Variants in SNTG2 observed in about 807,000 individuals in gnomAD.
SNTG2 encodes the protein syntrophin gamma 2, also known as gamma-2-syntrophin.
A neutral mutation model predicts 70.9 loss-of-function variants in SNTG2; 74 were observed. The ratio of observed to expected loss-of-function variants is 1.04; its 90% CI spans 0.86 to 1.27. The LOEUF is 1.27. SNTG2 is among the 50% of genes most tolerant of loss of function. The pLI, the probability that SNTG2 is intolerant of heterozygous loss-of-function variation, is 0.00. For missense variants in SNTG2, 717 were observed against 690.7 expected (o/e 1.04, Z -0.43); for synonymous variants, 278 against 273.8 (o/e 1.02, Z -0.15).
At chr2:1,088,868 C>T (rs1355054009) in intron 2 of SNTG2, among the ~76,000 whole-genome samples, 1 of 152,192 alleles carries the variant, frequency 6.6e-6, no homozygotes, top group African/African-American at 2.4e-5. Context: ...TGGCCACTGG[C>T]CTTTTTCTTG....
intron 12 of SNTG2, among the ~76,000 whole-genome samples, chr2:1,251,313 A>T (rs1677741317): frequency 6.6e-6 from 1 of 152,214 alleles, no homozygotes. Context: ...CATAATTTAA[A>T]TTTTTAAGTA....
chr2:1,087,275 T>C (rs541924506), intron 2 of SNTG2, among the ~76,000 whole-genome samples: 1 of 152,330 alleles, frequency 6.6e-6, no homozygotes, highest in South Asian at 2.1e-4. Flanking sequence ...ATGAAGAGTT[T>C]GGAGGGCTTT....
In SNTG2 at chr2:970,927, T is replaced by C. The variant is rs1660719186; in HGVS notation, c.72+19859T>C. Reference sequence around the variant, plus strand: ...TCACCATCACTGGCCATCAGAGAAATGCAAATCAAAACCACAGTGAGATAT... The same window carrying C: ...TCACCATCACTGGCCATCAGAGAAACGCAAATCAAAACCACAGTGAGATAT... On this transcript the variant is annotated intron_variant, in intron 1 of 16. Transcript: ENST00000308624. Among the ~76,000 whole-genome samples the C allele has an allele frequency of 4.6e-5, 7 of 152,168 alleles. No homozygotes were observed. In the South Asian group the frequency reaches 1.2e-3, roughly 27 times the overall value.
rs995910742 is a variant in SNTG2 at position 1,353,260 on chromosome 2, A to G, written c.1489-14083A>G. On this transcript the variant is annotated intron_variant, in intron 16 of 16. Coordinates refer to ENST00000308624, the MANE Select transcript of SNTG2 (RefSeq NM_018968.4). The surrounding 1 kb of genome is among the most constrained non-coding windows in gnomAD (Gnocchi z 4.2). ...CCCGCCCACAGAAACAGTGGGCGGA[A>G]GGAGCACGACCTGAGCTCCAGGGTG... Among the ~76,000 whole-genome samples the G allele has an allele frequency of 6.6e-5, 10 of 152,154 alleles. No individual in the cohort carries two copies. The highest frequency in any genetic ancestry group is 5.2e-4 in the Admixed American group (8 of 15,278).
rs1659932703 is a variant in SNTG2 at position 950,949 on chromosome 2, C to T, written c.-48C>T. On this transcript the variant is annotated 5_prime_UTR_variant, in exon 1 of 17. Coordinates refer to ENST00000308624, the MANE Select transcript of SNTG2 (RefSeq NM_018968.4). ...CTGGGAGGCTCGGACGGGGTCCTGG[C>T]GTTGAGCTCGGCCGGCCCGGAGCGC... 9.8e-6 allele frequency: 10 copies of T among 1,018,042 alleles called. No individual in the cohort carries two copies. Among genetic ancestry groups the T allele is most frequent in the African/African-American group, 3.4e-5 (2 of 59,390 alleles). 63.1% of individuals were successfully genotyped at this position (1,018,042 alleles called of 1,614,324 possible). A position where few individuals can be genotyped will look rare whatever the true frequency, so the allele number is the denominator to read the frequency against.
chr2:1,307,895 C>G (rs998274609), intron 14 of SNTG2, among the ~76,000 whole-genome samples: 2 of 152,194 alleles, frequency 1.3e-5, no homozygotes, highest in Admixed American at 1.3e-4. Context: ...TCCGGGCCGC[C>G]CTCCGCACAA....
rs77973153 is a variant in SNTG2 at position 1,289,663 on chromosome 2, G to A, written c.1285-18831G>A. On this transcript the variant is annotated intron_variant, in intron 14 of 16. Coordinates refer to ENST00000308624, the MANE Select transcript of SNTG2 (RefSeq NM_018968.4). ...TGGTGAAATATACATCACATAAAAC[G>A]TAACACTTTAAAGTATACAGTGCAC... 1.2e-4 allele frequency among the ~76,000 whole-genome samples: 18 copies of A among 152,238 alleles called. No individual in the cohort carries two copies. The East Asian group carries it at 2.5e-3, about 21-fold the overall frequency.
intron 15 of SNTG2, among the ~76,000 whole-genome samples, chr2:1,314,835 AAG>A (rs555540220): frequency 5.9e-5 from 9 of 152,210 alleles, no homozygotes; most frequent in African/African-American, 1.4e-4. Context: ...GGTGGCAGGC[AAG>A]AGAGAGTGTG....
chr2:1,018,806 A>G (rs958957164), intron 1 of SNTG2, among the ~76,000 whole-genome samples: 2 of 152,256 alleles, frequency 1.3e-5, no homozygotes, highest in Non-Finnish European at 2.9e-5. Context: ...AGGCCTGAGC[A>G]CAACGTGCTT....
At chr2:1,244,718 A>G (rs979813445) in intron 11 of SNTG2, among the ~76,000 whole-genome samples, 2 of 144,444 alleles carry the variant, frequency 1.4e-5, no homozygotes, top group African/African-American at 5.1e-5. Context: ...AAAAAAAAAC[A>G]GTTTGCAATA....
At chr2:1,363,590 C>T (rs959574738) in intron 16 of SNTG2, among the ~76,000 whole-genome samples, 6 of 152,216 alleles carry the variant, frequency 3.9e-5, no homozygotes, top group African/African-American at 1.2e-4. Context: ...CATGTGAACA[C>T]AGGTGAGGAG....
chr2:1,250,974 A>G (rs919522509), intron 12 of SNTG2, among the ~76,000 whole-genome samples: 3 of 152,264 alleles, frequency 2.0e-5, no homozygotes, highest in Non-Finnish European at 2.9e-5. Flanking sequence ...TCTTATTTCT[A>G]GTAATTTCTG....
chr2:1,019,559 C>G (rs1660040216), intron 1 of SNTG2, among the ~76,000 whole-genome samples: 1 of 152,118 alleles, frequency 6.6e-6, no homozygotes, highest in African/African-American at 2.4e-5. Context: ...TTGGAGATTG[C>G]ACACTCTTCT....
intron 4 of SNTG2, among the ~76,000 whole-genome samples, chr2:1,120,282 C>A (rs1418476641): frequency 1.3e-5 from 2 of 152,050 alleles, no homozygotes; most frequent in Non-Finnish European, 2.9e-5. Context: ...TCAATAATTA[C>A]TTTGAATATT....
chr2:1,053,477 C>A (rs529750619), intron 1 of SNTG2, among the ~76,000 whole-genome samples: 2 of 121,548 alleles, frequency 1.6e-5, no homozygotes, highest in African/African-American at 3.1e-5. Flanking sequence ...CATCCCCCCC[C>A]ACCCCCCCAG....
chr2:1,324,268 C>T (rs964359636), intron 16 of SNTG2, among the ~76,000 whole-genome samples: 3 of 152,184 alleles, frequency 2.0e-5, no homozygotes, highest in African/African-American at 7.2e-5. Context: ...CAGAAATGAG[C>T]CTTCAGTCAA....
At chr2:1,165,472 A>C in intron 6 of SNTG2, 76 bp from the exon 7 acceptor site, 2 of 1,307,730 alleles carry the variant, frequency 1.5e-6, no homozygotes, top group Non-Finnish European at 2.2e-6. Context: ...CAGGAGAGGT[A>C]GAGAGATTTT....
intron 1 of SNTG2, among the ~76,000 whole-genome samples, chr2:1,033,022 C>T (rs554327097): frequency 1.3e-5 from 2 of 152,214 alleles, no homozygotes; most frequent in Admixed American, 1.3e-4. Flanking sequence ...GGAGAGATGT[C>T]ACACACTTTT....
intron 1 of SNTG2, among the ~76,000 whole-genome samples, chr2:1,051,966 C>A (rs530101206): frequency 6.6e-6 from 1 of 152,098 alleles, no homozygotes; most frequent in Non-Finnish European, 1.5e-5. Context: ...GGTAAACTAC[C>A]CTTACATTTT....
Sources: allele counts gnomAD v4.1 joint callset (sites outside exome capture counted in the v4.1 genomes callset), GRCh38; gene constraint gnomAD v4.1.1; non-coding constraint Gnocchi (gnomAD v3.1); transcripts MANE v1.5; gene names NCBI Gene and HGNC (gene_info 2026-07-23, HGNC 2026-07-21).